The following CTNNA3 variants were observed in gnomAD, a reference collection of about 807,000 sequenced individuals.
CTNNA3 encodes the protein catenin alpha 3, also known as catenin alpha-3.
A neutral mutation model predicts 95.7 loss-of-function variants in CTNNA3; 76 were observed. That is an observed-to-expected ratio of 0.79 (90% CI 0.66 to 0.96). CTNNA3 has a LOEUF of 0.96. CTNNA3 is among the 40% of genes least tolerant of loss of function. CTNNA3 has a pLI of 0.00. For synonymous variants in CTNNA3, 431 were observed against 374.4 expected, an observed-to-expected ratio of 1.15 and a Z score of -1.74; for missense variants, 1,191 against 1,089.8, an observed-to-expected ratio of 1.09 and a Z score of -1.31.
chr10:66,382,428 A>G (rs748641526), intron 11 of CTNNA3, among the ~76,000 whole-genome samples: 5 of 152,000 alleles, frequency 3.3e-5, no homozygotes, highest in Non-Finnish European at 5.9e-5. Flanking sequence ...AGTGGCCAGG[A>G]AGCTCGAACT....
intron 5 of CTNNA3, among the ~76,000 whole-genome samples, chr10:67,286,202 A>T (rs1297006036): frequency 2.0e-5 from 3 of 152,230 alleles, no homozygotes; most frequent in African/African-American, 7.2e-5. Flanking sequence ...CAATTTAAAG[A>T]AACCAGCAAA....
At chr10:66,540,062 A>G (rs1270580397) in intron 10 of CTNNA3, among the ~76,000 whole-genome samples, 1 of 152,002 alleles carries the variant, frequency 6.6e-6, no homozygotes, top group African/African-American at 2.4e-5. Flanking sequence ...ACCAAACATT[A>G]TCATCATAAA....
intron 6 of CTNNA3, among the ~76,000 whole-genome samples, chr10:67,210,920 T>C (rs1005435497): frequency 6.6e-6 from 1 of 152,176 alleles, no homozygotes; most frequent in African/African-American, 2.4e-5. Context: ...TGGTCCCTAG[T>C]TAACGCTAAA....
chr10:66,122,058 G>A (rs2082608696), intron 13 of CTNNA3, among the ~76,000 whole-genome samples: 1 of 152,038 alleles, frequency 6.6e-6, no homozygotes, highest in African/African-American at 2.4e-5. Flanking sequence ...TTATCAGGCA[G>A]AGAATTTAAA....
intron 12 of CTNNA3, among the ~76,000 whole-genome samples, chr10:66,303,657 C>T (rs569253526): frequency 4.6e-5 from 7 of 152,206 alleles, no homozygotes; most frequent in South Asian, 4.2e-4. Context: ...TATTTAGAGA[C>T]GGAGTCTCAC....
chr10:66,006,515 A>G (rs1321068671), intron 15 of CTNNA3, among the ~76,000 whole-genome samples: 3 of 152,134 alleles, frequency 2.0e-5, no homozygotes, highest in Non-Finnish European at 4.4e-5. Context: ...TACTTCTCTG[A>G]GTGTGCACAT....
At chr10:67,327,849 G>A (rs572619857) in intron 5 of CTNNA3, among the ~76,000 whole-genome samples, 1 of 152,298 alleles carries the variant, frequency 6.6e-6, no homozygotes, top group East Asian at 1.9e-4. Context: ...CTGTGTGTGT[G>A]GTCACCCTGA....
At chr10:66,831,303 C>T (rs1004395474) in intron 7 of CTNNA3, among the ~76,000 whole-genome samples, 2 of 152,142 alleles carry the variant, frequency 1.3e-5, no homozygotes, top group Non-Finnish European at 2.9e-5. Context: ...TCCTTCAATC[C>T]CATTTCTGGC....
At chr10:66,894,271 A>G (rs2132502737) in intron 7 of CTNNA3, among the ~76,000 whole-genome samples, 1 of 152,228 alleles carries the variant, frequency 6.6e-6, no homozygotes, top group South Asian at 2.1e-4. Context: ...GAGTTTGAAC[A>G]GAACTCATGA....
At chr10:65,986,954 A>G (rs1343699883) in intron 16 of CTNNA3, among the ~76,000 whole-genome samples, 3 of 151,934 alleles carry the variant, frequency 2.0e-5, no homozygotes, top group Non-Finnish European at 4.4e-5. Flanking sequence ...AAGAACACAC[A>G]TTGAGAAAAG....
chr10:66,913,754 T>C (rs1172127516), intron 7 of CTNNA3, among the ~76,000 whole-genome samples: 2 of 152,140 alleles, frequency 1.3e-5, no homozygotes, highest in South Asian at 2.1e-4. Flanking sequence ...CGAGATCAAC[T>C]GCCAGATTTC....
chr10:65,933,044 G>A (rs564627501), intron 17 of CTNNA3, among the ~76,000 whole-genome samples: 8 of 152,170 alleles, frequency 5.3e-5, no homozygotes, highest in South Asian at 2.1e-4. Context: ...TGAATGGTGC[G>A]TGTATGTATG....
chr10:66,685,575 T>A (rs10997302), intron 9 of CTNNA3, among the ~76,000 whole-genome samples: 17,354 of 150,030 alleles, frequency 0.12, 1,161 homozygotes, highest in Middle Eastern at 0.19. Context: ...GGTTTCACCA[T>A]GTTAGCCAGG....
At chr10:66,874,407 A>C (rs1589364961) in intron 7 of CTNNA3, among the ~76,000 whole-genome samples, 1 of 152,216 alleles carries the variant, frequency 6.6e-6, no homozygotes, top group Non-Finnish European at 1.5e-5. Context: ...TTGAAAGAAA[A>C]GAACTGTTAT....
intron 12 of CTNNA3, among the ~76,000 whole-genome samples, chr10:66,356,808 T>C (rs2092614575): frequency 6.6e-6 from 1 of 152,104 alleles, no homozygotes; most frequent in South Asian, 2.1e-4. Flanking sequence ...TAGAGAATTT[T>C]TATTATGAAT....
At chr10:66,199,868 G>A (rs1253354222) in intron 13 of CTNNA3, among the ~76,000 whole-genome samples, 1 of 126,626 alleles carries the variant, frequency 7.9e-6, no homozygotes, top group Non-Finnish European at 1.6e-5. Flanking sequence ...TGGCTGGGAT[G>A]GTCTCGATCT....
chr10:67,373,565 A>G (rs898579470), intron 5 of CTNNA3, among the ~76,000 whole-genome samples: 5 of 152,184 alleles, frequency 3.3e-5, no homozygotes, highest in Admixed American at 2.6e-4. Context: ...AGACAGATCC[A>G]TGAGACAGAA....
chr10:67,577,059 G>C (rs934858152), intron 3 of CTNNA3, among the ~76,000 whole-genome samples: 2 of 150,728 alleles, frequency 1.3e-5, no homozygotes, highest in African/African-American at 4.9e-5. Context: ...AGTCCTTTGG[G>C]TATATACCCA....
At chr10:67,172,111 C>T (rs1862049017) in intron 7 of CTNNA3, among the ~76,000 whole-genome samples, 1 of 152,204 alleles carries the variant, frequency 6.6e-6, no homozygotes, top group South Asian at 2.1e-4. Flanking sequence ...CTGGAATTCC[C>T]AACTCCCTCA....
Sources: gnomAD v4.1 joint callset for allele counts (sites outside exome capture counted in the v4.1 genomes callset) on GRCh38, gnomAD v4.1.1 for gene constraint, MANE v1.5 for transcripts, NCBI Gene and HGNC (gene_info 2026-07-23, HGNC 2026-07-21) for gene names.